Variants in DLC1 observed in about 807,000 individuals in gnomAD.
The protein encoded by DLC1 is rho GTPase-activating protein 7.
Under a neutral mutation model 140.3 loss-of-function variants are expected in DLC1, and 54 were observed. The ratio of observed to expected loss-of-function variants is 0.38; its 90% CI spans 0.31 to 0.48. DLC1 has a LOEUF of 0.48. Among genes scored for constraint, DLC1 ranks in the 20% least tolerant of loss-of-function variants. DLC1 has a pLI of 0.96. For synonymous variants in DLC1, 986 were observed against 728.1 expected (o/e 1.35, Z -5.70); for missense variants, 2,536 against 1,907.0 (o/e 1.33, Z -6.14).
chr8:13,173,456 C>A (rs1209924983), intron 5 of DLC1, among the ~76,000 whole-genome samples: 1 of 146,470 alleles, frequency 6.8e-6, no homozygotes, highest in Non-Finnish European at 1.5e-5. Context: ...ACTGCAAACT[C>A]CGCCTCCCGT....
intron 8 of DLC1, 133 bp from the exon 9 acceptor site, chr8:13,100,903 AG>A: frequency 2.6e-4 from 195 of 762,280 alleles, no homozygotes; most frequent in Non-Finnish European, 3.3e-4. Context: ...TTAATTTTAA[AG>A]TTTTTTTTTT....
intron 5 of DLC1, among the ~76,000 whole-genome samples, chr8:13,201,363 A>T (rs1827370378): frequency 6.6e-6 from 1 of 152,356 alleles, no homozygotes; most frequent in Middle Eastern, 3.4e-3. Context: ...TTCACATTGT[A>T]AAGATCACTT....
At chr8:13,485,338 A>G (rs1011903531) in intron 2 of DLC1, among the ~76,000 whole-genome samples, 5 of 152,226 alleles carry the variant, frequency 3.3e-5, no homozygotes, top group South Asian at 2.1e-4. Context: ...AATGACTTCA[A>G]TATAGCTTGA....
intron 5 of DLC1, among the ~76,000 whole-genome samples, chr8:13,117,940 T>C (rs1041510161): frequency 6.6e-6 from 1 of 152,090 alleles, no homozygotes; most frequent in African/African-American, 2.4e-5. Context: ...ACAAAGTATT[T>C]ATTTAAGGTC....
intron 2 of DLC1, among the ~76,000 whole-genome samples, chr8:13,402,263 T>C (rs1178325567): frequency 6.6e-6 from 1 of 152,200 alleles, no homozygotes; most frequent in Non-Finnish European, 1.5e-5. Context: ...TATTCTCAGT[T>C]CTCTGTACTA....
At chr8:13,285,545 A>G (rs1831509688) in intron 5 of DLC1, among the ~76,000 whole-genome samples, 1 of 152,294 alleles carries the variant, frequency 6.6e-6, no homozygotes, top group East Asian at 1.9e-4. Context: ...TGAATGGCCA[A>G]TAAGTACATG....
chr8:13,086,562 C>G, intron 16 of DLC1, 99 bp from the exon 17 acceptor site: 3 of 1,400,396 alleles, frequency 2.1e-6, no homozygotes, highest in Non-Finnish European at 2.9e-6. Context: ...GGTGACGGGT[C>G]AGGCTCAGTG....
chr8:13,308,214 C>A lies in DLC1; in HGVS notation c.1315-2912G>T, dbSNP rs1194919588. Among the ~76,000 whole-genome samples the A allele has an allele frequency of 3.9e-5, 6 of 152,280 alleles. 2 individuals are homozygous for A. In the South Asian group the frequency reaches 8.3e-4, roughly 21 times the overall value. ...AAAATACATTTTAGCCTCCTTATGG[C>A]CAATGTCCATATTTCATGTAGCCAA... On this transcript the variant is annotated intron_variant, in intron 4 of 17. Coordinates refer to ENST00000276297, the MANE Select transcript of DLC1 (RefSeq NM_182643.3).
At chr8:13,197,322 T>C (rs903764501) in intron 5 of DLC1, among the ~76,000 whole-genome samples, 3 of 151,938 alleles carry the variant, frequency 2.0e-5, no homozygotes, top group East Asian at 3.9e-4. Flanking sequence ...AAGCCCTTGA[T>C]TTATTTTATT....
At chr8:13,590,200 T>C (rs939908913) in intron 1 of DLC1, among the ~76,000 whole-genome samples, 2 of 152,006 alleles carry the variant, frequency 1.3e-5, no homozygotes, top group East Asian at 1.9e-4. Context: ...CTTTTTTCAT[T>C]TGTGGCCTCT....
intron 5 of DLC1, among the ~76,000 whole-genome samples, chr8:13,166,895 G>A (rs1217882201): frequency 6.6e-6 from 1 of 152,120 alleles, no homozygotes; most frequent in African/African-American, 2.4e-5. Context: ...CTGTGGCCCT[G>A]GAGAAAATAC....
At chr8:13,535,203 G>A (rs1391733154) in intron 1 of DLC1, among the ~76,000 whole-genome samples, 2 of 152,048 alleles carry the variant, frequency 1.3e-5, no homozygotes, top group Admixed American at 1.3e-4. Context: ...AGAAAAATAA[G>A]TCGGGACAAG....
intron 2 of DLC1, among the ~76,000 whole-genome samples, chr8:13,430,779 T>C (rs182025057): frequency 1.2e-3 from 190 of 152,342 alleles, no homozygotes; most frequent in Admixed American, 5.8e-3. Context: ...AAAATGTTTA[T>C]AAATCACAGA....
intron 5 of DLC1, among the ~76,000 whole-genome samples, chr8:13,234,954 T>C (rs1829213273): frequency 6.6e-6 from 1 of 152,084 alleles, no homozygotes; most frequent in Non-Finnish European, 1.5e-5. Flanking sequence ...AGTAAAAGTA[T>C]GGAGAGCAAA....
intron 4 of DLC1, among the ~76,000 whole-genome samples, chr8:13,309,487 A>T (rs1222290544): frequency 6.6e-6 from 1 of 152,192 alleles, no homozygotes; most frequent in East Asian, 1.9e-4. Flanking sequence ...TCGAATTTTT[A>T]AAAAGCTATT....
At chr8:13,544,176 A>G (rs147381625) in intron 1 of DLC1, among the ~76,000 whole-genome samples, 4 of 146,518 alleles carry the variant, frequency 2.7e-5, no homozygotes, top group African/African-American at 9.9e-5. Flanking sequence ...TCTCTTTGTC[A>G]TTCTCTCTTA....
At chr8:13,151,522 A>G (rs1823810764) in intron 5 of DLC1, among the ~76,000 whole-genome samples, 1 of 152,218 alleles carries the variant, frequency 6.6e-6, no homozygotes, top group South Asian at 2.1e-4. Flanking sequence ...TTTCAAATCA[A>G]TGGAATTAGT....
intron 5 of DLC1, among the ~76,000 whole-genome samples, chr8:13,207,019 G>A (rs1230821545): frequency 9.2e-5 from 14 of 152,056 alleles, no homozygotes; most frequent in Admixed American, 9.2e-4. Flanking sequence ...GCAAGTAAGT[G>A]CTTTATAAAA....
intron 5 of DLC1, among the ~76,000 whole-genome samples, chr8:13,227,020 A>G (rs1482273887): frequency 1.3e-5 from 2 of 152,016 alleles, no homozygotes; most frequent in African/African-American, 4.8e-5. Flanking sequence ...GAAATAGTTC[A>G]TTATTACTCT....
Sources: gnomAD v4.1 joint callset for allele counts (sites outside exome capture counted in the v4.1 genomes callset) on GRCh38, gnomAD v4.1.1 for gene constraint, MANE v1.5 for transcripts, NCBI Gene and HGNC (gene_info 2026-07-23, HGNC 2026-07-21) for gene names.